Variants in DPYD observed in about 807,000 individuals in gnomAD.
The protein encoded by DPYD is dihydropyrimidine dehydrogenase.
DPYD carries 109 observed loss-of-function variants against 116.2 expected under a neutral mutation model. The ratio of observed to expected loss-of-function variants is 0.94; its 90% CI spans 0.80 to 1.10. The LOEUF (loss-of-function observed/expected upper bound fraction) is 1.10. Among genes scored for constraint, DPYD ranks in the 50% least tolerant of loss-of-function variants. DPYD has a pLI of 0.00. For synonymous variants in DPYD, 440 were observed against 432.0 expected (o/e 1.02, Z -0.23); for missense variants, 1,302 against 1,254.5 (o/e 1.04, Z -0.57).
At chr1:97,213,320 CAT>C (rs1478290926) in intron 19 of DPYD, among the ~76,000 whole-genome samples, 2 of 152,144 alleles carry the variant, frequency 1.3e-5, no homozygotes, top group Non-Finnish European at 2.9e-5. Context: ...AGGTGTGTCT[CAT>C]AGTAAATTTC....
At chr1:97,538,283 A>G (rs1024003674) in intron 12 of DPYD, among the ~76,000 whole-genome samples, 1 of 152,176 alleles carries the variant, frequency 6.6e-6, no homozygotes, top group African/African-American at 2.4e-5. Context: ...CACAGCTACC[A>G]TTTGTACTCA....
chr1:97,529,155 C>A (rs1362365273), intron 12 of DPYD, among the ~76,000 whole-genome samples: 1 of 152,152 alleles, frequency 6.6e-6, no homozygotes, highest in Non-Finnish European at 1.5e-5. Context: ...CTCCCACTGC[C>A]ACGTACCAGC....
chr1:97,274,246 G>A (rs1218491315), intron 18 of DPYD, among the ~76,000 whole-genome samples: 1 of 152,094 alleles, frequency 6.6e-6, no homozygotes, highest in Non-Finnish European at 1.5e-5. Context: ...TCAGAGGTGG[G>A]GCCCAGTGGG....
Position 97,808,617 on chromosome 1 carries a change from C to A in DPYD, c.233+19497G>T, listed in dbSNP as rs148068060. ...TTCCCAAACTGTACACCTTTATTTT[C>A]TTTTCTTTCTCATCACATTAGCTAG... is the stretch of plus-strand genomic sequence containing the variant. On this transcript the variant is annotated intron_variant, in intron 3 of 22. Coordinates refer to ENST00000370192, the MANE Select transcript of DPYD (RefSeq NM_000110.4). Among the ~76,000 whole-genome samples the A allele has an allele frequency of 2.7e-3, 418 of 152,164 alleles. 2 individuals are homozygous for A. The highest frequency in any genetic ancestry group is 8.9e-3 in the African/African-American group (371 of 41,562).
chr1:97,567,996 A>C (rs1652650473), intron 11 of DPYD, among the ~76,000 whole-genome samples: 1 of 152,128 alleles, frequency 6.6e-6, no homozygotes, highest in Non-Finnish European at 1.5e-5. Context: ...GGCAAAATGG[A>C]GATTTCTAAC....
At chr1:97,140,439 G>A (rs760845038) in intron 20 of DPYD, among the ~76,000 whole-genome samples, 2 of 152,124 alleles carry the variant, frequency 1.3e-5, no homozygotes, top group Non-Finnish European at 2.9e-5. Flanking sequence ...GGTATCACCA[G>A]GGAGACAGAA....
chr1:97,286,974 C>G lies in DPYD; in HGVS notation c.2299+18285G>C, dbSNP rs142851641. The stretch of plus-strand genomic sequence containing the variant: ...TACGTTGCTGGTGAGGAACTGCGTT[C>G]CATTGGAGGAGGAGAGGCACTCTGC... On this transcript the variant is annotated intron_variant, in intron 18 of 22. Coordinates refer to ENST00000370192, the MANE Select transcript of DPYD (RefSeq NM_000110.4). 1.9e-3 allele frequency among the ~76,000 whole-genome samples: 283 copies of G among 152,318 alleles called. 2 individuals carry two copies. Among genetic ancestry groups the G allele is most frequent in the Non-Finnish European group, 2.6e-3 (180 of 68,038 alleles).
intron 16 of DPYD, among the ~76,000 whole-genome samples, chr1:97,342,166 G>GA (rs1490195848): frequency 6.6e-6 from 1 of 152,120 alleles, no homozygotes; most frequent in Non-Finnish European, 1.5e-5. Flanking sequence ...TGTTAAGTGT[G>GA]AAAAATTGTC....
intron 13 of DPYD, among the ~76,000 whole-genome samples, chr1:97,488,847 G>C (rs12121057): frequency 0.18 from 27,365 of 152,164 alleles, 2,642 homozygotes; most frequent in East Asian, 0.26. Flanking sequence ...ACTTAATTTG[G>C]ATGTAATCAA....
At chr1:97,342,564 G>A (rs1234480021) in intron 16 of DPYD, among the ~76,000 whole-genome samples, 1 of 152,144 alleles carries the variant, frequency 6.6e-6, no homozygotes, top group African/African-American at 2.4e-5. Context: ...TAGGTTCAGA[G>A]TTGACAAATA....
chr1:97,532,441 T>C (rs2102027916), intron 12 of DPYD, among the ~76,000 whole-genome samples: 1 of 152,266 alleles, frequency 6.6e-6, no homozygotes, highest in South Asian at 2.1e-4. Context: ...TACAAGCCTT[T>C]AGGAAGAAAG....
At chr1:97,823,681 T>TA (rs995478363) in intron 3 of DPYD, among the ~76,000 whole-genome samples, 2 of 152,062 alleles carry the variant, frequency 1.3e-5, no homozygotes, top group Non-Finnish European at 1.5e-5. Context: ...CTTTTTTTTT[T>TA]ATTATTGGAA....
At chr1:97,745,362 T>C (rs1664493238) in intron 3 of DPYD, among the ~76,000 whole-genome samples, 1 of 152,124 alleles carries the variant, frequency 6.6e-6, no homozygotes. Flanking sequence ...AACATAATTT[T>C]AAATAGCTAT....
intron 8 of DPYD, among the ~76,000 whole-genome samples, chr1:97,665,552 GAACT>G (rs1343526969): frequency 1.3e-5 from 2 of 152,014 alleles, no homozygotes; most frequent in African/African-American, 4.8e-5. Flanking sequence ...AACAGATTTT[GAACT>G]AACATGTTTT....
chr1:97,880,035 T>A (rs539037826), intron 2 of DPYD, among the ~76,000 whole-genome samples: 9 of 151,650 alleles, frequency 5.9e-5, no homozygotes, highest in African/African-American at 2.2e-4. Context: ...TATCTATATA[T>A]AGAGAGAGAT....
At chr1:97,288,331 G>T (rs6702893) in intron 18 of DPYD, among the ~76,000 whole-genome samples, 18 of 150,058 alleles carry the variant, frequency 1.2e-4, no homozygotes, top group African/African-American at 2.7e-4. Context: ...CTGCACCAAG[G>T]GGACCTAATA....
chr1:97,408,096 C>T (rs1261876133), intron 14 of DPYD, among the ~76,000 whole-genome samples: 5 of 152,092 alleles, frequency 3.3e-5, no homozygotes, highest in Non-Finnish European at 5.9e-5. Flanking sequence ...CTATGATTAA[C>T]GTCAATGGGA....
At chr1:97,684,394 A>C (rs1302470207) in intron 7 of DPYD, among the ~76,000 whole-genome samples, 1 of 152,010 alleles carries the variant, frequency 6.6e-6, no homozygotes, top group Non-Finnish European at 1.5e-5. Flanking sequence ...GGCCTAAGAG[A>C]CTGTTAGTTA....
rs967203405 is a variant in DPYD, at chr1:97,451,243, G to C, written c.1741-1020C>G. On this transcript the variant is annotated intron_variant, in intron 13 of 22. Coordinates refer to ENST00000370192, the MANE Select transcript of DPYD (RefSeq NM_000110.4). ...ATTTGGACGTTTTTCCAACTAGATA[G>C]ACAGGAAACCTTAATTAGCATTAAT... Among the ~76,000 whole-genome samples, 12 of 152,024 alleles carry C rather than the reference G, an allele frequency of 7.9e-5. 1 individual carries two copies. The highest frequency in any genetic ancestry group is 7.9e-4 in the Admixed American group (12 of 15,246).
Sources: gnomAD v4.1 joint callset for allele counts (sites outside exome capture counted in the v4.1 genomes callset) on GRCh38, gnomAD v4.1.1 for gene constraint, MANE v1.5 for transcripts, NCBI Gene and HGNC (gene_info 2026-07-23, HGNC 2026-07-21) for gene names.